MSI2: variants seen among roughly 807,000 people sequenced by gnomAD.
The protein encoded by MSI2 is RNA-binding protein Musashi homolog 2.
MSI2 carries 17 observed loss-of-function variants against 45.6 expected under a neutral mutation model. The observed-to-expected ratio is 0.37, with a 90% CI of 0.26 to 0.56. The LOEUF is 0.56. Ranked by LOEUF, MSI2 falls within the 20% of genes least tolerant of loss-of-function variation. The pLI is 0.77. For missense variants in MSI2, 293 were observed against 444.2 expected (o/e 0.66, Z 3.06); for synonymous variants, 156 against 158.2 (o/e 0.99, Z 0.11).
At chr17:57,660,738 A>G (rs1335679438) in intron 11 of MSI2, among the ~76,000 whole-genome samples, 1 of 152,208 alleles carries the variant, frequency 6.6e-6, no homozygotes, top group East Asian at 1.9e-4. Flanking sequence ...GCCGGGGAAC[A>G]TCATGGGCAA....
At chr17:57,423,887 T>G (rs2084442822) in intron 6 of MSI2, among the ~76,000 whole-genome samples, 1 of 152,220 alleles carries the variant, frequency 6.6e-6, no homozygotes, top group South Asian at 2.1e-4. Context: ...GTTACAATAT[T>G]ATTAAAAATC....
At chr17:57,500,928 A>G (rs1407164611) in intron 6 of MSI2, among the ~76,000 whole-genome samples, 2 of 151,892 alleles carry the variant, frequency 1.3e-5, no homozygotes, top group African/African-American at 4.8e-5. Flanking sequence ...GTACCACTGC[A>G]GTACAGCCTG....
intron 7 of MSI2, among the ~76,000 whole-genome samples, chr17:57,584,308 T>C (rs1319456506): frequency 1.3e-5 from 2 of 152,146 alleles, no homozygotes; most frequent in Non-Finnish European, 2.9e-5. Context: ...GCTGGAAGAA[T>C]ATAATAAAAT....
intron 5 of MSI2, among the ~76,000 whole-genome samples, chr17:57,360,296 A>G (rs1894068529): frequency 6.6e-6 from 1 of 152,260 alleles, no homozygotes; most frequent in African/African-American, 2.4e-5. Context: ...CACATCAGAA[A>G]GGGCTTGAGG....
chr17:57,512,866 T>C (rs1281700874), intron 6 of MSI2, among the ~76,000 whole-genome samples: 1 of 151,928 alleles, frequency 6.6e-6, no homozygotes, highest in Non-Finnish European at 1.5e-5. Context: ...ACATGAACAA[T>C]ACTAGATCTT....
At chr17:57,623,221 C>T (rs1908479735) in intron 9 of MSI2, among the ~76,000 whole-genome samples, 1 of 152,054 alleles carries the variant, frequency 6.6e-6, no homozygotes, top group Non-Finnish European at 1.5e-5. Flanking sequence ...GTGCCCCAGG[C>T]AGTGCTCTAA....
intron 6 of MSI2, among the ~76,000 whole-genome samples, chr17:57,445,357 C>T (rs990803853): frequency 6.6e-6 from 1 of 152,134 alleles, no homozygotes; most frequent in African/African-American, 2.4e-5. Flanking sequence ...CTGAGCTGTC[C>T]GATGCTGGGG....
At chr17:57,605,328 A>G (rs929097309) in intron 8 of MSI2, among the ~76,000 whole-genome samples, 2 of 152,210 alleles carry the variant, frequency 1.3e-5, no homozygotes, top group East Asian at 3.9e-4. Context: ...GTTGCTCTTT[A>G]GGCAGAAGTA....
At chr17:57,564,604 C>T (rs1019743852) in intron 7 of MSI2, among the ~76,000 whole-genome samples, 33 of 152,180 alleles carry the variant, frequency 2.2e-4, no homozygotes, top group Admixed American at 4.6e-4. Flanking sequence ...GTCAGGGGAG[C>T]TCCAGCCCTA....
intron 8 of MSI2, among the ~76,000 whole-genome samples, chr17:57,610,449 C>CTTGGGGAACACTCACCG (rs1907137624): frequency 1.1e-5 from 1 of 90,226 alleles, no homozygotes; most frequent in African/African-American, 4.0e-5. Flanking sequence ...AAGACTCCGT[C>CTTGGGGAACACTCACCG]TAAAAAAAAA....
intron 5 of MSI2, among the ~76,000 whole-genome samples, chr17:57,363,478 C>T (rs1285809543): frequency 1.3e-5 from 2 of 152,206 alleles, no homozygotes; most frequent in Non-Finnish European, 2.9e-5. Context: ...TAGCTCACGT[C>T]TATAATCCCA....
At chr17:57,392,156 G>A (rs1363622241) in intron 5 of MSI2, among the ~76,000 whole-genome samples, 1 of 152,192 alleles carries the variant, frequency 6.6e-6, no homozygotes, top group Admixed American at 6.5e-5. Context: ...TTCCAAGGCA[G>A]CCCTCATCTC....
At chr17:57,679,477 A>T in intron 13 of MSI2, 72 bp from the exon 14 acceptor site, 1 of 792,344 alleles carries the variant, frequency 1.3e-6, no homozygotes. Context: ...CTTGTCTGAC[A>T]CTTCTTTCTC....
At chr17:57,662,388 T>C (rs1912055167) in intron 11 of MSI2, among the ~76,000 whole-genome samples, 1 of 152,206 alleles carries the variant, frequency 6.6e-6, no homozygotes, top group Non-Finnish European at 1.5e-5. Flanking sequence ...TAGATGTTAA[T>C]AATAATAGCT....
intron 6 of MSI2, among the ~76,000 whole-genome samples, chr17:57,434,600 C>T (rs1567821288): frequency 6.6e-6 from 1 of 152,030 alleles, no homozygotes; most frequent in Admixed American, 6.6e-5. Flanking sequence ...TATTAATACT[C>T]TCTGTTTCTA....
intron 6 of MSI2, among the ~76,000 whole-genome samples, chr17:57,427,997 T>A (rs2084526070): frequency 6.6e-6 from 1 of 152,182 alleles, no homozygotes; most frequent in Admixed American, 6.6e-5. Flanking sequence ...AAAGATATTT[T>A]CACTGTCTCA....
chr17:57,512,441 C>A (rs1364947440), intron 6 of MSI2, among the ~76,000 whole-genome samples: 1 of 152,148 alleles, frequency 6.6e-6, no homozygotes, highest in African/African-American at 2.4e-5. Flanking sequence ...CACCTGTTGC[C>A]ATCTGGCCAG....
At chr17:57,403,929 A>ACG (rs1567804066) in intron 6 of MSI2, among the ~76,000 whole-genome samples, 4 of 128,252 alleles carry the variant, frequency 3.1e-5, no homozygotes, top group Admixed American at 7.3e-5. Flanking sequence ...AACAGAATGA[A>ACG]TGTGCACACA....
intron 8 of MSI2, among the ~76,000 whole-genome samples, chr17:57,604,771 C>T (rs1598441677): frequency 6.6e-6 from 1 of 152,146 alleles, no homozygotes; most frequent in East Asian, 1.9e-4. Context: ...TCCTCTTGGA[C>T]TCAGGGCTGC....
Sources: gnomAD v4.1 joint callset for allele counts (sites outside exome capture counted in the v4.1 genomes callset) on GRCh38, gnomAD v4.1.1 for gene constraint, MANE v1.5 for transcripts, NCBI Gene and HGNC (gene_info 2026-07-23, HGNC 2026-07-21) for gene names.